Variants in EHBP1 observed in about 807,000 individuals in gnomAD.
EHBP1 encodes EH domain-binding protein 1.
In EHBP1, 55 loss-of-function variants were observed where a neutral mutation model predicts 144.0. The ratio of observed to expected loss-of-function variants is 0.38; its 90% CI spans 0.31 to 0.48. The LOEUF is 0.48. Among genes scored for constraint, EHBP1 ranks in the 20% least tolerant of loss-of-function variants. The pLI, the probability that EHBP1 is intolerant of heterozygous loss-of-function variation, is 0.98. For synonymous variants in EHBP1, 469 were observed against 472.7 expected, an observed-to-expected ratio of 0.99 and a Z score of 0.10; for missense variants, 1,200 against 1,364.2, an observed-to-expected ratio of 0.88 and a Z score of 1.90.
chr2:62,907,986 GGAAAT>G (rs1208628114), intron 10 of EHBP1, among the ~76,000 whole-genome samples: 1 of 152,176 alleles, frequency 6.6e-6, no homozygotes, highest in Non-Finnish European at 1.5e-5. Flanking sequence ...CGAGAAGAAA[GGAAAT>G]GTTACTGGCA....
chr2:62,772,483 A>G (rs929206951), intron 5 of EHBP1, among the ~76,000 whole-genome samples: 7 of 152,246 alleles, frequency 4.6e-5, no homozygotes, highest in Admixed American at 4.6e-4. Context: ...ATAGGATGAA[A>G]TGGAAAATAT....
intron 10 of EHBP1, among the ~76,000 whole-genome samples, chr2:62,922,583 G>A (rs1643243413): frequency 6.6e-6 from 1 of 152,168 alleles, no homozygotes; most frequent in Non-Finnish European, 1.5e-5. Context: ...TTATAGGGAA[G>A]ATGCAGGAAT....
intron 19 of EHBP1, among the ~76,000 whole-genome samples, chr2:63,021,376 T>C (rs1015830491): frequency 2.0e-5 from 3 of 152,194 alleles, no homozygotes; most frequent in Non-Finnish European, 4.4e-5. Context: ...TAATGAATGT[T>C]TTGTGAACGC....
chr2:62,785,645 G>A (rs1458646250), intron 5 of EHBP1, among the ~76,000 whole-genome samples: 1 of 152,022 alleles, frequency 6.6e-6, no homozygotes, highest in Non-Finnish European at 1.5e-5. Flanking sequence ...TTTTCCAAGT[G>A]AGATTCCTTT....
intron 2 of EHBP1, among the ~76,000 whole-genome samples, chr2:62,744,975 A>T (rs1283832636): frequency 6.6e-6 from 1 of 152,130 alleles, no homozygotes; most frequent in Non-Finnish European, 1.5e-5. Context: ...CCAGGGCTGG[A>T]ACCTAGGTAT....
intron 5 of EHBP1, among the ~76,000 whole-genome samples, chr2:62,816,033 C>T (rs548622991): frequency 6.6e-6 from 1 of 152,306 alleles, no homozygotes; most frequent in East Asian, 1.9e-4. Flanking sequence ...GAAACTACTA[C>T]TTGTTGAGTT....
chr2:62,830,701 G>A (rs541475790), intron 6 of EHBP1, among the ~76,000 whole-genome samples: 61 of 152,218 alleles, frequency 4.0e-4, no homozygotes, highest in Admixed American at 1.9e-3. Flanking sequence ...GTTCTTGGTC[G>A]TGAACTCTTT....
intron 5 of EHBP1, among the ~76,000 whole-genome samples, chr2:62,779,663 T>C (rs2042292698): frequency 6.6e-6 from 1 of 152,206 alleles, no homozygotes; most frequent in Admixed American, 6.5e-5. Flanking sequence ...AGTCCCAGAG[T>C]CTTAAACCCT....
Position 62,979,286 on chromosome 2 carries a change from T to C in EHBP1, c.2559T>C (p.Tyr853=). ...TGAAGATGTCAGAACTTCCCAGCTATGGTGAAATGGCTGCAGAAAAGTTGA... is the reference window on the plus strand; with the variant it reads ...TGAAGATGTCAGAACTTCCCAGCTACGGTGAAATGGCTGCAGAAAAGTTGA... ...SGVKMSELPS[Y]GEMAAEKLKE... is the part of the protein sequence containing the mutation. The change falls in exon 15 of 23, where the codon TAT becomes TAC. Residue 853 remains tyrosine (Y), a synonymous_variant. Coordinates refer to ENST00000431489, the MANE Select transcript of EHBP1 (RefSeq NM_001142616.3). 1 of 1,613,898 alleles carries C rather than the reference T, an allele frequency of 6.2e-7. No homozygotes were observed. Among genetic ancestry groups the C allele is most frequent in the Non-Finnish European group, 8.5e-7 (1 of 1,179,876 alleles).
chr2:62,728,995 G>A (rs1188556750), intron 2 of EHBP1, among the ~76,000 whole-genome samples: 1 of 151,640 alleles, frequency 6.6e-6, no homozygotes, highest in Non-Finnish European at 1.5e-5. Context: ...TTTACTTCTA[G>A]CACCATTTGT....
chr2:62,732,972 T>TG (rs1307747905), intron 2 of EHBP1, among the ~76,000 whole-genome samples: 1 of 152,202 alleles, frequency 6.6e-6, no homozygotes, highest in Admixed American at 6.5e-5. Context: ...TTTGATTTCT[T>TG]GCGTTTCCTT....
chr2:63,046,270 C>T lies in EHBP1; in HGVS notation c.*770C>T, dbSNP rs1025746486. On this transcript the variant is annotated 3_prime_UTR_variant, in exon 23 of 23. Coordinates refer to ENST00000431489, the MANE Select transcript of EHBP1 (RefSeq NM_001142616.3). The stretch of plus-strand genomic sequence containing the variant: ...TTATTTCTTACATCATGCTTGATTC[C>T]TACATTTTGTTGGGTCTCAACATTG... 2.6e-5 allele frequency: 4 copies of T among 152,562 alleles called. No homozygotes were observed. Among genetic ancestry groups the T allele is most frequent in the African/African-American group, 9.7e-5 (4 of 41,408 alleles). 9.5% of individuals were successfully genotyped at this position (152,562 alleles called of 1,614,324 possible).
intron 13 of EHBP1, among the ~76,000 whole-genome samples, chr2:62,954,367 C>T (rs572200703): frequency 6.6e-6 from 1 of 152,266 alleles, no homozygotes; most frequent in South Asian, 2.1e-4. Flanking sequence ...TCCTATTCAA[C>T]ATGAACTTAG....
chr2:62,757,133 A>AAT (rs1354689377), intron 3 of EHBP1, among the ~76,000 whole-genome samples: 2 of 152,004 alleles, frequency 1.3e-5, no homozygotes, highest in African/African-American at 2.4e-5. Context: ...TTGGTCAGAA[A>AAT]ATATATATAT....
At chr2:63,017,581 G>A (rs947725244) in intron 19 of EHBP1, among the ~76,000 whole-genome samples, 6 of 152,086 alleles carry the variant, frequency 3.9e-5, no homozygotes, top group African/African-American at 1.4e-4. Flanking sequence ...AGCACTTGGA[G>A]CTCCATAAAT....
intron 3 of EHBP1, among the ~76,000 whole-genome samples, chr2:62,757,214 A>G (rs1240372115): frequency 9.2e-5 from 14 of 151,530 alleles, no homozygotes; most frequent in Non-Finnish European, 2.9e-5. Context: ...TGCAGCCTTG[A>G]CATCCCTGGG....
At chr2:62,916,682 T>C (rs577227452) in intron 10 of EHBP1, among the ~76,000 whole-genome samples, 1 of 150,464 alleles carries the variant, frequency 6.6e-6, no homozygotes, top group African/African-American at 2.4e-5. Flanking sequence ...AAAGAACTAA[T>C]AGCTATTTTT....
chr2:62,956,215 A>T (rs1261593628), intron 14 of EHBP1: 1 of 152,216 alleles, frequency 6.6e-6, no homozygotes, highest in Non-Finnish European at 1.5e-5. Context: ...CCATCCTTGT[A>T]CTAAACCACA....
chr2:63,014,630 C>T (rs2060407886), intron 19 of EHBP1, among the ~76,000 whole-genome samples: 1 of 152,096 alleles, frequency 6.6e-6, no homozygotes, highest in Non-Finnish European at 1.5e-5. Context: ...TTACCATATC[C>T]ATCCATACCT....
Sources: gnomAD v4.1 joint callset for allele counts (sites outside exome capture counted in the v4.1 genomes callset) on GRCh38, gnomAD v4.1.1 for gene constraint, MANE v1.5 for transcripts, NCBI Gene and HGNC (gene_info 2026-07-23, HGNC 2026-07-21) for gene names.